Variants in C2CD3 observed in about 807,000 individuals in gnomAD.
C2CD3 encodes C2 domain-containing protein 3.
A neutral mutation model predicts 234.0 loss-of-function variants in C2CD3; 148 were observed. That is an observed-to-expected ratio of 0.63 (90% CI 0.55 to 0.72). C2CD3 has a LOEUF of 0.72. Among genes scored for constraint, C2CD3 ranks in the 30% least tolerant of loss-of-function variants. The pLI is 0.00. For synonymous variants in C2CD3, 1,000 were observed against 1,035.4 expected, an observed-to-expected ratio of 0.97 and a Z score of 0.66; for missense variants, 2,577 against 2,811.5, an observed-to-expected ratio of 0.92 and a Z score of 1.89.
chr11:74,092,032 A>ATATATG (rs1555036158), intron 19 of C2CD3, among the ~76,000 whole-genome samples: 5 of 150,792 alleles, frequency 3.3e-5, no homozygotes, highest in Admixed American at 1.3e-4. Context: ...ATATATATAT[A>ATATATG]TGTGTGTGTG....
intron 32 of C2CD3, among the ~76,000 whole-genome samples, chr11:74,022,441 G>A (rs1016867079): frequency 6.6e-6 from 1 of 152,214 alleles, no homozygotes; most frequent in Non-Finnish European, 1.5e-5. Context: ...TAGGATGCAG[G>A]TGGGTCCGTA....
At position 74,028,381 on chromosome 11, in the gene C2CD3, A is replaced by G. The variant is rs760617771; in HGVS notation, c.6827T>C (p.Val2276Ala). The G allele has an allele frequency of 1.6e-4, 248 of 1,535,516 alleles. No individual in the cohort carries two copies. The highest frequency in any genetic ancestry group is 2.1e-4 in the Non-Finnish European group (241 of 1,146,538). ...CTGGGGAGGCAAAAAGAAGTTGGGC[A>G]CCACAATGGGCCCTGGGCTACAATG... ...QSLLLPGPIV[V>A]PNFFLPPQQL... The change falls in exon 32 of 33, where the codon GTG becomes GCG. Residue 2276 changes from valine (V) to alanine (A), a missense_variant. By Grantham distance (64) the Val-to-Ala change is moderately conservative. Coordinates refer to ENST00000334126, the MANE Select transcript of C2CD3 (RefSeq NM_001286577.2).
intron 22 of C2CD3, 74 bp downstream of exon 22, chr11:74,084,805 GAC>G (rs1955566585): frequency 1.1e-6 from 1 of 869,702 alleles, no homozygotes; most frequent in Admixed American, 1.8e-5. Context: ...TTACATGAGA[GAC>G]AGAGAAGATT....
chr11:74,049,312 T>G (rs1459811306), intron 27 of C2CD3, 25 bp downstream of exon 27: 1 of 1,585,488 alleles, frequency 6.3e-7, no homozygotes. Flanking sequence ...TCGTATTGGT[T>G]AGGGATGTGA....
chr11:74,043,966 G>C (rs1322663599), intron 28 of C2CD3, among the ~76,000 whole-genome samples: 1 of 152,046 alleles, frequency 6.6e-6, no homozygotes, highest in Non-Finnish European at 1.5e-5. Context: ...TGAGACCACA[G>C]ATGTGCACCA....
chr11:74,075,067 G>T (rs1428264645), intron 23 of C2CD3, among the ~76,000 whole-genome samples: 2 of 152,140 alleles, frequency 1.3e-5, no homozygotes, highest in African/African-American at 4.8e-5. Context: ...CTGGGTGACA[G>T]AGCAAGACTC....
intron 2 of C2CD3, chr11:74,164,135 C>T: frequency 1.1e-6 from 1 of 950,234 alleles, no homozygotes; most frequent in Non-Finnish European, 1.3e-6. Context: ...AAGCTTAATT[C>T]TTAGTAGACT....
At chr11:74,071,704 G>A (rs958665517) in intron 24 of C2CD3, among the ~76,000 whole-genome samples, 1 of 152,136 alleles carries the variant, frequency 6.6e-6, no homozygotes, top group African/African-American at 2.4e-5. Flanking sequence ...TACTTATTCA[G>A]TATGCCAAAT....
intron 9 of C2CD3, among the ~76,000 whole-genome samples, chr11:74,117,173 TATATATATATG>T (rs1957041896): frequency 7.2e-5 from 1 of 13,978 alleles, no homozygotes; most frequent in East Asian, 1.2e-3. Context: ...TATATATGAA[TATATATATATG>T]AATATATATA....
chr11:74,054,555 A>G, intron 26 of C2CD3, 52 bp downstream of exon 26: 2 of 753,662 alleles, frequency 2.7e-6, no homozygotes, highest in Non-Finnish European at 4.5e-6. Context: ...TGTTAACAGG[A>G]TGTGAGCTTA....
At chr11:74,102,101 C>T (rs1956335949) in intron 14 of C2CD3, among the ~76,000 whole-genome samples, 1 of 152,064 alleles carries the variant, frequency 6.6e-6, no homozygotes, top group African/African-American at 2.4e-5. Context: ...AAAGGGATGT[C>T]TTCCAGATAA....
chr11:74,168,098 TA>T, intron 2 of C2CD3: 1 of 428,140 alleles, frequency 2.3e-6, no homozygotes, highest in East Asian at 4.1e-5. Flanking sequence ...TAATTGTCTA[TA>T]AAACAGAGAA....
chr11:74,111,957 CACACACACACACATAT>C lies in C2CD3; in HGVS notation c.1843+1807_1843+1822del, dbSNP rs1261331046. Among the ~76,000 whole-genome samples the C allele has an allele frequency of 4.5e-4, 62 of 138,980 alleles. 1 individual carries two copies. The highest frequency in any genetic ancestry group is 1.9e-3 in the African/African-American group (62 of 32,106). 91.2% of individuals were successfully genotyped at this position (138,980 alleles called of 152,430 possible). On this transcript the variant is annotated intron_variant, in intron 11 of 32. Coordinates refer to ENST00000334126, the MANE Select transcript of C2CD3 (RefSeq NM_001286577.2). ...ACACACACACACACACACACACACACACACACACACACATATATATATACACACACACATTATCTAT... is the reference window on the plus strand; with the variant it reads ...ACACACACACACACACACACACACACATATATACACACACACATTATCTAT...
chr11:74,082,755 A>G (rs912359508), intron 22 of C2CD3, among the ~76,000 whole-genome samples: 2 of 152,192 alleles, frequency 1.3e-5, no homozygotes, highest in African/African-American at 4.8e-5. Context: ...GACCTCTTCA[A>G]GAAGAACTAC....
chr11:74,127,909 CTGGAG>C (rs1199065649), intron 7 of C2CD3, among the ~76,000 whole-genome samples: 2 of 151,812 alleles, frequency 1.3e-5, no homozygotes, highest in African/African-American at 4.8e-5. Context: ...GTCGCCCAGG[CTGGAG>C]TGTAGTGGCG....
Position 74,013,527 on chromosome 11 carries a change from T to C in C2CD3, c.6922-2A>G. 1 of 1,336,724 alleles carries C rather than the reference T, an allele frequency of 7.5e-7. No individual in the cohort carries two copies. Among genetic ancestry groups the C allele is most frequent in the South Asian group, 2.0e-5 (1 of 51,266 alleles). The allele number at this position is 1,336,724 out of a possible 1,614,324, so 82.8% of individuals were successfully genotyped here. A position where few individuals can be genotyped will look rare whatever the true frequency, so the allele number is the denominator to read the frequency against. On this transcript the variant is annotated splice_acceptor_variant, in intron 32 of 32. Coordinates refer to ENST00000334126, the MANE Select transcript of C2CD3 (RefSeq NM_001286577.2). LOFTEE classifies it high-confidence loss of function. ...TCCCCTGGTGGCTTCGCTCTTGTCC[T>C]GGAGAGGAAGAAGTCAGCTAGGTTA...
At chr11:74,115,270 T>C (rs1268294403) in intron 9 of C2CD3, among the ~76,000 whole-genome samples, 2 of 151,700 alleles carry the variant, frequency 1.3e-5, no homozygotes, top group Non-Finnish European at 1.5e-5. Context: ...ACAACATATA[T>C]ACACACACAT....
chr11:74,088,663 T>C (rs1955759749), intron 20 of C2CD3, among the ~76,000 whole-genome samples: 1 of 152,258 alleles, frequency 6.6e-6, no homozygotes, highest in South Asian at 2.1e-4. Context: ...AGTCCTTCTC[T>C]GCCAATTAAA....
At chr11:74,137,167 C>T (rs1957891173) in intron 5 of C2CD3, among the ~76,000 whole-genome samples, 1 of 151,688 alleles carries the variant, frequency 6.6e-6, no homozygotes, top group Non-Finnish European at 1.5e-5. Context: ...CTTTGCCAAC[C>T]TATGTAAAAC....
Sources: allele counts gnomAD v4.1 joint callset (sites outside exome capture counted in the v4.1 genomes callset), GRCh38; gene constraint gnomAD v4.1.1; transcripts MANE v1.5; gene names NCBI Gene and HGNC (gene_info 2026-07-23, HGNC 2026-07-21).